Variants in GRIA1 observed in about 807,000 individuals in gnomAD.
GRIA1 encodes glutamate receptor 1.
GRIA1 carries 31 observed loss-of-function variants against 99.2 expected under a neutral mutation model. That is an observed-to-expected ratio of 0.31 (90% CI 0.23 to 0.42). The LOEUF is 0.42. Ranked by LOEUF, GRIA1 falls within the 10% of genes least tolerant of loss-of-function variation. GRIA1 has a pLI of 1.00. For synonymous variants in GRIA1, 438 were observed against 432.4 expected (o/e 1.01, Z -0.16); for missense variants, 782 against 1,157.5 (o/e 0.68, Z 4.71).
intron 7 of GRIA1, among the ~76,000 whole-genome samples, chr5:153,681,614 C>A (rs1262556649): frequency 3.9e-5 from 6 of 152,182 alleles, no homozygotes; most frequent in African/African-American, 1.4e-4. Flanking sequence ...GCAGAACTAT[C>A]TGGGGGATCT....
At chr5:153,774,997 G>A (rs1281228273) in intron 13 of GRIA1, among the ~76,000 whole-genome samples, 1 of 152,160 alleles carries the variant, frequency 6.6e-6, no homozygotes, top group African/African-American at 2.4e-5. Context: ...TGCATGTTTG[G>A]GGGTGGGAGA....
chr5:153,595,192 A>G (rs1364377999), intron 2 of GRIA1, among the ~76,000 whole-genome samples: 4 of 152,198 alleles, frequency 2.6e-5, no homozygotes, highest in Non-Finnish European at 4.4e-5. Flanking sequence ...ATAAGCATGT[A>G]TGTTCCACAT....
chr5:153,777,668 A>C (rs2926850), intron 13 of GRIA1, among the ~76,000 whole-genome samples: 57,402 of 151,746 alleles, frequency 0.38, 11,939 homozygotes, highest in East Asian at 0.93. Flanking sequence ...TCAGAAATGC[A>C]TATGAGCCCC....
intron 2 of GRIA1, among the ~76,000 whole-genome samples, chr5:153,597,272 A>T (rs1319736802): frequency 6.6e-6 from 1 of 152,190 alleles, no homozygotes; most frequent in Non-Finnish European, 1.5e-5. Flanking sequence ...CTACCTGAAT[A>T]TGAATTGGTT....
chr5:153,775,014 G>A (rs982084366), intron 13 of GRIA1, among the ~76,000 whole-genome samples: 1 of 152,184 alleles, frequency 6.6e-6, no homozygotes, highest in East Asian at 1.9e-4. Flanking sequence ...GAGAGGGGCT[G>A]TTATGTTTCA....
rs555743239 is a variant in GRIA1 at position 153,723,067 on chromosome 5, T to C, written c.1823+17000T>C. ...CAGAGGAAAGGCAAAGAAGGATTAATTATCTTTCATTTAAATTAACCTAAA... is the reference window on the plus strand; with the variant it reads ...CAGAGGAAAGGCAAAGAAGGATTAACTATCTTTCATTTAAATTAACCTAAA... On this transcript the variant is annotated intron_variant, in intron 11 of 15. Coordinates refer to ENST00000285900, the MANE Select transcript of GRIA1 (RefSeq NM_000827.4). 2.0e-5 allele frequency among the ~76,000 whole-genome samples: 3 copies of C among 152,324 alleles called. No individual in the cohort carries two copies. In the East Asian group the frequency reaches 5.8e-4, roughly 29 times the overall value.
chr5:153,562,725 A>C (rs1761243718), intron 2 of GRIA1, among the ~76,000 whole-genome samples: 1 of 152,208 alleles, frequency 6.6e-6, no homozygotes, highest in Non-Finnish European at 1.5e-5. Flanking sequence ...TTGAATCTCC[A>C]CTTGACTCCT....
Position 153,550,952 on chromosome 5 carries a change from A to C in GRIA1, c.220+56887A>C, listed in dbSNP as rs116108953. On this transcript the variant is annotated intron_variant, in intron 2 of 15. Transcript: ENST00000285900. ...TGTGCACAATGTGCAGGTTAGTTACATATGTATACAATGAATTTATATTCT... is the reference window on the plus strand; with the variant it reads ...TGTGCACAATGTGCAGGTTAGTTACCTATGTATACAATGAATTTATATTCT... 6.9e-3 allele frequency among the ~76,000 whole-genome samples: 1,058 copies of C among 152,312 alleles called. 14 individuals are homozygous for C. The highest frequency in any genetic ancestry group is 0.024 in the African/African-American group (990 of 41,568).
At chr5:153,655,945 C>A in intron 5 of GRIA1, 73 bp downstream of exon 5, 2 of 1,313,970 alleles carry the variant, frequency 1.5e-6, no homozygotes, top group South Asian at 1.2e-5. Context: ...TCTGTTGTCC[C>A]TGGCTGATGT....
Position 153,701,969 on chromosome 5 carries a change from A to G in GRIA1, c.1452+2896A>G, listed in dbSNP as rs76534090. ...ATACTTTACTCACATTCTTTCATTT[A>G]CTCTGCATATCGACTTCATGAGGTG... is the stretch of plus-strand genomic sequence containing the variant. On this transcript the variant is annotated intron_variant, in intron 10 of 15. Transcript: ENST00000285900. Among the ~76,000 whole-genome samples the G allele has an allele frequency of 2.6e-4, 40 of 152,184 alleles. 2 individuals carry two copies. In the East Asian group the frequency reaches 7.7e-3, roughly 29 times the overall value.
At chr5:153,570,592 T>G (rs1306052600) in intron 2 of GRIA1, among the ~76,000 whole-genome samples, 1 of 152,214 alleles carries the variant, frequency 6.6e-6, no homozygotes, top group Non-Finnish European at 1.5e-5. Context: ...CTGAGTATTC[T>G]AGGAAGTTCA....
intron 2 of GRIA1, among the ~76,000 whole-genome samples, chr5:153,630,971 A>C (rs1415190930): frequency 1.3e-5 from 2 of 152,198 alleles, no homozygotes; most frequent in Non-Finnish European, 2.9e-5. Context: ...ATCTGGAAAT[A>C]ACTGTGTTTG....
chr5:153,506,843 T>A (rs488009), intron 2 of GRIA1, among the ~76,000 whole-genome samples: 2,562 of 152,126 alleles, frequency 0.017, 75 homozygotes, highest in African/African-American at 0.057. Context: ...TAAAATATGG[T>A]TGGACATGGT....
chr5:153,553,925 C>T (rs1272996777), intron 2 of GRIA1, among the ~76,000 whole-genome samples: 1 of 152,112 alleles, frequency 6.6e-6, no homozygotes, highest in African/African-American at 2.4e-5. Flanking sequence ...CTGTCCTGCT[C>T]GTGTCTGACT....
intron 2 of GRIA1, among the ~76,000 whole-genome samples, chr5:153,549,643 G>A (rs1759947170): frequency 6.6e-6 from 1 of 152,104 alleles, no homozygotes; most frequent in African/African-American, 2.4e-5. Context: ...GGTATTTTCT[G>A]GGAAAGAAAA....
At chr5:153,596,892 G>A (rs1236087479) in intron 2 of GRIA1, among the ~76,000 whole-genome samples, 2 of 152,218 alleles carry the variant, frequency 1.3e-5, no homozygotes, top group African/African-American at 2.4e-5. Context: ...GGTCCCACCG[G>A]CAAGCCGGTG....
At chr5:153,740,801 T>C (rs1761725757) in intron 11 of GRIA1, among the ~76,000 whole-genome samples, 1 of 152,122 alleles carries the variant, frequency 6.6e-6, no homozygotes, top group Non-Finnish European at 1.5e-5. Context: ...AGAGCCAGTA[T>C]GTATGTCACT....
At chr5:153,695,674 T>C (rs1561776029) in intron 8 of GRIA1, among the ~76,000 whole-genome samples, 1 of 152,216 alleles carries the variant, frequency 6.6e-6, no homozygotes, top group East Asian at 1.9e-4. Context: ...TCTAGAAACG[T>C]GAGTTTCTGG....
At chr5:153,749,650 A>T (rs1762383547) in intron 11 of GRIA1, among the ~76,000 whole-genome samples, 1 of 152,110 alleles carries the variant, frequency 6.6e-6, no homozygotes, top group South Asian at 2.1e-4. Context: ...ATCCACCCCC[A>T]TGACCCAAAC....
Sources: gnomAD v4.1 joint callset for allele counts (sites outside exome capture counted in the v4.1 genomes callset) on GRCh38, gnomAD v4.1.1 for gene constraint, MANE v1.5 for transcripts, NCBI Gene and HGNC (gene_info 2026-07-23, HGNC 2026-07-21) for gene names.